Variants in GPR158 observed in about 807,000 individuals in gnomAD.
GPR158 encodes metabotropic glycine receptor.
Under a neutral mutation model 78.2 loss-of-function variants are expected in GPR158, and 30 were observed. The observed-to-expected ratio is 0.38, with a 90% CI of 0.29 to 0.52. The LOEUF is 0.52. Among genes scored for constraint, GPR158 ranks in the 20% least tolerant of loss-of-function variants. The pLI is 0.83. For synonymous variants in GPR158, 581 were observed against 591.1 expected (o/e 0.98, Z 0.25); for missense variants, 1,463 against 1,523.5 (o/e 0.96, Z 0.66).
At chr10:25,292,171 T>C (rs147086545) in intron 2 of GPR158, among the ~76,000 whole-genome samples, 338 of 151,832 alleles carry the variant, frequency 2.2e-3, no homozygotes, top group African/African-American at 5.3e-3. Flanking sequence ...GTTTATAAAA[T>C]AATAGACAGT....
At chr10:25,314,544 G>A (rs1158251097) in intron 2 of GPR158, among the ~76,000 whole-genome samples, 1 of 151,586 alleles carries the variant, frequency 6.6e-6, no homozygotes, top group Non-Finnish European at 1.5e-5. Context: ...TTCAAGAAAT[G>A]AGGAGTTTGA....
chr10:25,495,254 T>C (rs1199055212), intron 5 of GPR158, among the ~76,000 whole-genome samples: 1 of 151,792 alleles, frequency 6.6e-6, no homozygotes, highest in Admixed American at 6.6e-5. Context: ...CTCCATACTT[T>C]TGCTATTTTT....
chr10:25,175,866 A>G lies in GPR158; in HGVS notation c.446A>G (p.Asn149Ser). 1 of 1,613,868 alleles carries G rather than the reference A, an allele frequency of 6.2e-7. No homozygotes were observed. The highest frequency in any genetic ancestry group is 8.5e-7 in the Non-Finnish European group (1 of 1,179,988). ...MLQSNKSREQ[N>S]LQDDLDWYQA... is the part of the protein sequence containing the mutation. ...CAGAGCAATAAGTCGCGGGAGCAGA[A>G]CTTGCAGGACGACCTGGATTGGTAC... Residue 149 changes from asparagine to serine, a missense_variant, in exon 1 of 11, where the codon AAC becomes AGC. Physicochemically the swap from Asn to Ser is conservative, Grantham distance 46 (BLOSUM62 1). Transcript: ENST00000376351. This position sits in a 1 kb window ranked among gnomAD's most constrained non-coding sequence, Gnocchi z 6.4.
At chr10:25,542,866 T>C (rs955774654) in intron 5 of GPR158, among the ~76,000 whole-genome samples, 2 of 151,208 alleles carry the variant, frequency 1.3e-5, no homozygotes, top group Non-Finnish European at 2.9e-5. Context: ...GTTGAGCATA[T>C]TTGAGAAGTC....
chr10:25,505,722 T>G (rs1187279653), intron 5 of GPR158, among the ~76,000 whole-genome samples: 1 of 152,194 alleles, frequency 6.6e-6, no homozygotes, highest in Non-Finnish European at 1.5e-5. Context: ...AATCTGATAG[T>G]GCTTGTGCTT....
chr10:25,550,547 A>G (rs937042965), intron 5 of GPR158, among the ~76,000 whole-genome samples: 7 of 152,134 alleles, frequency 4.6e-5, no homozygotes, highest in Non-Finnish European at 1.0e-4. Flanking sequence ...AAGGAGAGGT[A>G]AGTTTGGACA....
intron 5 of GPR158, among the ~76,000 whole-genome samples, chr10:25,497,522 G>T (rs1835898252): frequency 6.6e-6 from 1 of 152,152 alleles, no homozygotes; most frequent in South Asian, 2.1e-4. Flanking sequence ...AGATATTTTA[G>T]TCTAGTACTA....
chr10:25,589,138 A>G lies in GPR158; in HGVS notation c.1885A>G (p.Thr629Ala). The change falls in exon 8 of 11, where the codon ACA becomes GCA. Residue 629 changes from threonine (T) to alanine (A), a missense_variant. Coordinates refer to ENST00000376351, the MANE Select transcript of GPR158 (RefSeq NM_020752.3). ...GCTCATCATCTCTGCTATATTCCATACAATTAGGCAAGTGATCTGTAGAGC... is the reference window on the plus strand; with the variant it reads ...GCTCATCATCTCTGCTATATTCCATGCAATTAGGCAAGTGATCTGTAGAGC... The part of the protein sequence containing the change: ...NELIISAIFH[T>A]IRFVLASRLQ... 6.2e-7 allele frequency: 1 copy of G among 1,601,754 alleles called. No individual in the cohort carries two copies.
intron 2 of GPR158, among the ~76,000 whole-genome samples, chr10:25,366,032 C>A (rs1855718080): frequency 6.6e-6 from 1 of 151,616 alleles, no homozygotes; most frequent in South Asian, 2.1e-4. Flanking sequence ...AAAGATACAT[C>A]CATCTTGTAT....
intron 5 of GPR158, among the ~76,000 whole-genome samples, chr10:25,547,199 C>G (rs11014600): frequency 0.048 from 7,275 of 152,056 alleles, 657 homozygotes; most frequent in East Asian, 0.47. Context: ...TCAGTCTCTC[C>G]CCTTTCCATA....
chr10:25,324,041 A>C (rs148338134), intron 2 of GPR158, among the ~76,000 whole-genome samples: 181 of 152,332 alleles, frequency 1.2e-3, no homozygotes, highest in African/African-American at 4.0e-3. Context: ...GATCAAGGGA[A>C]TGTCATGTCT....
At position 25,236,697 on chromosome 10, in the gene GPR158, T is replaced by A. The variant is rs569644285; in HGVS notation, c.1008+15540T>A. Among the ~76,000 whole-genome samples, 21 of 152,092 alleles carry A rather than the reference T, an allele frequency of 1.4e-4. No homozygotes were observed. In the South Asian group the frequency reaches 4.4e-3, roughly 32 times the overall value. The stretch of plus-strand genomic sequence containing the variant: ...CATGCTTATCCTTTGAGTCCTAGAG[T>A]TGCTCTCGGTGAGCCTTTAGCAGCC... On this transcript the variant is annotated intron_variant, in intron 2 of 10. Coordinates refer to ENST00000376351, the MANE Select transcript of GPR158 (RefSeq NM_020752.3).
chr10:25,548,609 T>G (rs1432313786), intron 5 of GPR158, among the ~76,000 whole-genome samples: 1 of 152,114 alleles, frequency 6.6e-6, no homozygotes, highest in Non-Finnish European at 1.5e-5. Context: ...TTAAATAAAC[T>G]GTGGAAGCCC....
intron 5 of GPR158, among the ~76,000 whole-genome samples, chr10:25,485,319 C>G (rs1246738728): frequency 6.6e-6 from 1 of 151,028 alleles, no homozygotes; most frequent in African/African-American, 2.4e-5. Flanking sequence ...TCTAAAGAGT[C>G]ACAGTTCAAT....
At chr10:25,477,727 T>C (rs1385663234) in intron 5 of GPR158, among the ~76,000 whole-genome samples, 1 of 152,102 alleles carries the variant, frequency 6.6e-6, no homozygotes, top group Non-Finnish European at 1.5e-5. Context: ...AACATTACTA[T>C]TGGGAACACA....
chr10:25,588,360 A>G (rs1837298036), intron 7 of GPR158, among the ~76,000 whole-genome samples: 1 of 152,210 alleles, frequency 6.6e-6, no homozygotes, highest in South Asian at 2.1e-4. Context: ...CTTAGCTGCT[A>G]CACTGTGCTC....
chr10:25,522,473 C>T (rs1429154714), intron 5 of GPR158, among the ~76,000 whole-genome samples: 1 of 152,158 alleles, frequency 6.6e-6, no homozygotes, highest in African/African-American at 2.4e-5. Context: ...TGCCAACTTC[C>T]ATCAAATTCT....
At chr10:25,179,791 A>G (rs1353313900) in intron 1 of GPR158, among the ~76,000 whole-genome samples, 1 of 152,092 alleles carries the variant, frequency 6.6e-6, no homozygotes, top group Non-Finnish European at 1.5e-5. Context: ...CTTGGTTCTC[A>G]TTTTTCATCC....
At chr10:25,354,567 T>C (rs1243370534) in intron 2 of GPR158, among the ~76,000 whole-genome samples, 1 of 152,148 alleles carries the variant, frequency 6.6e-6, no homozygotes. Context: ...TTTTAGGCTT[T>C]ATATATTTGG....
Sources: allele counts gnomAD v4.1 joint callset (sites outside exome capture counted in the v4.1 genomes callset), GRCh38; gene constraint gnomAD v4.1.1; non-coding constraint Gnocchi (gnomAD v3.1); transcripts MANE v1.5; gene names NCBI Gene and HGNC (gene_info 2026-07-23, HGNC 2026-07-21).